NALCN: variants seen among roughly 807,000 people sequenced by gnomAD.
NALCN encodes the protein sodium leak channel, non-selective, also known as sodium leak channel NALCN.
A neutral mutation model predicts 225.3 loss-of-function variants in NALCN; 111 were observed. The ratio of observed to expected loss-of-function variants is 0.49; its 90% CI spans 0.42 to 0.58. NALCN has a LOEUF of 0.58. Ranked by LOEUF, NALCN falls within the 20% of genes least tolerant of loss-of-function variation. The pLI, the probability that NALCN is intolerant of heterozygous loss-of-function variation, is 0.00. For missense variants in NALCN, 1,378 were observed against 2,202.4 expected, an observed-to-expected ratio of 0.63 and a Z score of 7.49; for synonymous variants, 764 against 769.0, an observed-to-expected ratio of 0.99 and a Z score of 0.11.
chr13:101,113,449 T>A (rs1404663140), intron 18 of NALCN, among the ~76,000 whole-genome samples: 1 of 152,176 alleles, frequency 6.6e-6, no homozygotes, highest in Non-Finnish European at 1.5e-5. Flanking sequence ...ATGTAAGAAA[T>A]TTTGCTATTT....
At chr13:101,327,093 C>T (rs1337999334) in intron 7 of NALCN, among the ~76,000 whole-genome samples, 1 of 152,086 alleles carries the variant, frequency 6.6e-6, no homozygotes, top group Non-Finnish European at 1.5e-5. Context: ...CATTCCACTT[C>T]TTGGTGGAAG....
chr13:101,121,599 C>T (rs2035976261), intron 18 of NALCN, among the ~76,000 whole-genome samples: 1 of 152,122 alleles, frequency 6.6e-6, no homozygotes, highest in South Asian at 2.1e-4. Flanking sequence ...ATTAAAAACA[C>T]CTAGAAAGTT....
rs778871008 is a variant in NALCN, at chr13:101,349,332, ATTG to A, written c.645-3915_645-3913del. ...CTGTGACCTCTCAGCAGTGCTCTGAATTGTTGTTTTTGTGGTAGAGAAAATACT... is the reference window on the plus strand; with the variant it reads ...CTGTGACCTCTCAGCAGTGCTCTGAATTGTTTTTGTGGTAGAGAAAATACT... On this transcript the variant is annotated intron_variant, in intron 6 of 43. Coordinates refer to ENST00000251127, the MANE Select transcript of NALCN (RefSeq NM_052867.4). 3.2e-4 allele frequency among the ~76,000 whole-genome samples: 48 copies of A among 152,224 alleles called. 1 individual carries two copies. Among genetic ancestry groups the A allele is most frequent in the East Asian group, 1.7e-3 (9 of 5,190 alleles).
At chr13:101,065,378 C>T (rs772871295) in intron 40 of NALCN, 26 bp downstream of exon 40, 5 of 1,612,756 alleles carry the variant, frequency 3.1e-6, no homozygotes, top group Non-Finnish European at 3.4e-6. Context: ...GGCCCCCATT[C>T]AGCCCTGCGA....
chr13:101,233,202 T>C (rs550511867), intron 12 of NALCN, among the ~76,000 whole-genome samples: 1 of 152,276 alleles, frequency 6.6e-6, no homozygotes, highest in South Asian at 2.1e-4. Flanking sequence ...CTTCAGAACA[T>C]TTTGTCTCTG....
chr13:101,140,301 C>A (rs1162048095), intron 17 of NALCN, among the ~76,000 whole-genome samples: 1 of 152,158 alleles, frequency 6.6e-6, no homozygotes, highest in Non-Finnish European at 1.5e-5. Flanking sequence ...TCCTCCTCAG[C>A]CCGGCACATG....
intron 13 of NALCN, among the ~76,000 whole-genome samples, chr13:101,206,781 T>G (rs2040330532): frequency 6.6e-6 from 1 of 151,292 alleles, no homozygotes; most frequent in Non-Finnish European, 1.5e-5. Flanking sequence ...TTTTGTTTTG[T>G]AATTTAAACA....
intron 15 of NALCN, among the ~76,000 whole-genome samples, chr13:101,150,013 C>T (rs776348426): frequency 1.3e-5 from 2 of 152,182 alleles, no homozygotes; most frequent in Non-Finnish European, 2.9e-5. Context: ...TGTCCAAATG[C>T]CCACTAGCAG....
At position 101,378,553 on chromosome 13, in the gene NALCN, A is replaced by T. The variant is rs760148304; in HGVS notation, c.375+17T>A. 12 of 1,581,652 alleles carry T rather than the reference A, an allele frequency of 7.6e-6. No homozygotes were observed. Among genetic ancestry groups the T allele is most frequent in the African/African-American group, 1.4e-5 (1 of 73,812 alleles). On this transcript the variant is annotated intron_variant, in intron 4 of 43. Coordinates refer to ENST00000251127, the MANE Select transcript of NALCN (RefSeq NM_052867.4). ...TTTGGAGAATACCTGCTTGTAATTT[A>T]AAAAATATTTAATTACCTGTAGCAC... is the stretch of plus-strand genomic sequence containing the variant.
At chr13:101,343,134 G>A (rs2045609979) in intron 7 of NALCN, among the ~76,000 whole-genome samples, 1 of 151,758 alleles carries the variant, frequency 6.6e-6, no homozygotes, top group African/African-American at 2.4e-5. Flanking sequence ...CCTCATTTTG[G>A]GCAAAAAATT....
chr13:101,408,207 C>T (rs1333527035), intron 1 of NALCN, among the ~76,000 whole-genome samples: 3 of 152,210 alleles, frequency 2.0e-5, no homozygotes, highest in African/African-American at 4.8e-5. Flanking sequence ...AGACGGGAAT[C>T]TCCAAGTTCC....
In NALCN at chr13:101,343,343, G is replaced by A. The variant is rs1377791118; in HGVS notation, c.799+1923C>T. On this transcript the variant is annotated intron_variant, in intron 7 of 43. Coordinates refer to ENST00000251127, the MANE Select transcript of NALCN (RefSeq NM_052867.4). ...ATGAATTTGGGAAAAATAAGCAAAC[G>A]GATGAAATTAAGCCTGTATAGAAAG... 3.3e-5 allele frequency among the ~76,000 whole-genome samples: 5 copies of A among 152,054 alleles called. No homozygotes were observed. In the East Asian group the frequency reaches 7.7e-4, roughly 23 times the overall value.
rs1383354388 is a variant in NALCN at position 101,254,843 on chromosome 13, A to G, written c.1266+3600T>C. ...GAGGCGGAGCTTGCAGTGAGCCGAG[A>G]TCCCGCCACTGCACTCCAGCCTGGG... On this transcript the variant is annotated intron_variant, in intron 11 of 43. Coordinates refer to ENST00000251127, the MANE Select transcript of NALCN (RefSeq NM_052867.4). Among the ~76,000 whole-genome samples, 3 of 62,984 alleles carry G rather than the reference A, an allele frequency of 4.8e-5. No homozygotes were observed. The East Asian group carries it at 1.1e-3, about 24-fold the overall frequency. 41.3% of individuals were successfully genotyped at this position (62,984 alleles called of 152,430 possible).
intron 12 of NALCN, among the ~76,000 whole-genome samples, chr13:101,231,195 T>TACACAC (rs113196890): frequency 6.6e-6 from 1 of 151,156 alleles, no homozygotes; most frequent in Non-Finnish European, 1.5e-5. Flanking sequence ...TGACTGTGTA[T>TACACAC]ACACACACAC....
chr13:101,127,985 A>C (rs953408232), intron 17 of NALCN, among the ~76,000 whole-genome samples: 2 of 152,180 alleles, frequency 1.3e-5, no homozygotes, highest in African/African-American at 4.8e-5. Flanking sequence ...CACCTGAAAT[A>C]ATTAGCAAAA....
intron 14 of NALCN, among the ~76,000 whole-genome samples, chr13:101,187,221 T>G (rs1229358709): frequency 6.6e-6 from 1 of 152,180 alleles, no homozygotes; most frequent in Non-Finnish European, 1.5e-5. Flanking sequence ...TTGTTATTAT[T>G]GTTGTTGATT....
chr13:101,095,441 G>T (rs981424879), intron 28 of NALCN, 133 bp downstream of exon 28: 4 of 661,392 alleles, frequency 6.0e-6, no homozygotes, highest in East Asian at 2.9e-5. Context: ...CTAGCGCTTC[G>T]CCCTGTATGA....
At chr13:101,120,517 A>T (rs2035921793) in intron 18 of NALCN, among the ~76,000 whole-genome samples, 1 of 129,578 alleles carries the variant, frequency 7.7e-6, no homozygotes, top group African/African-American at 4.3e-5. Context: ...TCAATGCCAA[A>T]CTTAAAAAAA....
intron 26 of NALCN, among the ~76,000 whole-genome samples, chr13:101,101,392 T>C (rs2034814638): frequency 6.7e-6 from 1 of 149,492 alleles, no homozygotes; most frequent in Non-Finnish European, 1.5e-5. Flanking sequence ...GCAATTCTAC[T>C]GCCTCAGCCT....
Sources: gnomAD v4.1 joint callset for allele counts (sites outside exome capture counted in the v4.1 genomes callset) on GRCh38, gnomAD v4.1.1 for gene constraint, MANE v1.5 for transcripts, NCBI Gene and HGNC (gene_info 2026-07-23, HGNC 2026-07-21) for gene names.